EPG5: variants seen among roughly 807,000 people sequenced by gnomAD.
EPG5 encodes ectopic P-granules 5 autophagy tethering factor, also known as ectopic P granules protein 5 homolog.
In EPG5, 159 loss-of-function variants were observed where a neutral mutation model predicts 302.7. That is an observed-to-expected ratio of 0.53 (90% confidence interval 0.46 to 0.60). The LOEUF (loss-of-function observed/expected upper bound fraction) is 0.60. Ranked by LOEUF, EPG5 falls within the 20% of genes least tolerant of loss-of-function variation. The pLI is 0.00. For synonymous variants in EPG5, 1,158 were observed against 1,136.8 expected (o/e 1.02, Z -0.37); for missense variants, 2,896 against 3,092.4 (o/e 0.94, Z 1.51).
intron 17 of EPG5, 75 bp from the exon 18 acceptor site, chr18:45,916,657 G>T: frequency 7.0e-7 from 1 of 1,434,970 alleles, no homozygotes; most frequent in South Asian, 1.5e-5. Flanking sequence ...TACTTATGAG[G>T]AAACAGAAAA....
At chr18:45,869,530 T>A (rs921538533) in intron 36 of EPG5, among the ~76,000 whole-genome samples, 1 of 152,222 alleles carries the variant, frequency 6.6e-6, no homozygotes, top group Non-Finnish European at 1.5e-5. Context: ...TGTCTTATAG[T>A]TAAGGTCATC....
At chr18:45,911,360 A>T (rs2049895631) in intron 22 of EPG5, among the ~76,000 whole-genome samples, 1 of 149,776 alleles carries the variant, frequency 6.7e-6, no homozygotes, top group Non-Finnish European at 1.5e-5. Context: ...ATCACAGCTC[A>T]CTGCAAGCTC....
Position 45,936,341 on chromosome 18 carries a change from C to T in EPG5, c.2100-1375G>A, listed in dbSNP as rs114556876. Among the ~76,000 whole-genome samples, 1,302 of 152,226 alleles carry T rather than the reference C, an allele frequency of 8.6e-3. 17 individuals carry two copies. Among genetic ancestry groups the T allele is most frequent in the African/African-American group, 0.029 (1,208 of 41,528 alleles). On this transcript the variant is annotated intron_variant, in intron 10 of 43. Coordinates refer to ENST00000282041, the MANE Select transcript of EPG5 (RefSeq NM_020964.3). ...ACCAGTATCTCAAAAACAATCAGCA[C>T]TCAATAGATGCTTATTAAAATTGTA...
In EPG5 at chr18:45,937,233, TATACACACACACACACAC is replaced by T. The variant is rs1185951619; in HGVS notation, c.2100-2285_2100-2268del. Among the ~76,000 whole-genome samples the T allele has an allele frequency of 3.9e-3, 299 of 76,320 alleles. 1 individual carries two copies. The highest frequency in any genetic ancestry group is 0.015 in the African/African-American group (271 of 18,014). 50.1% of individuals were successfully genotyped at this position (76,320 alleles called of 152,430 possible). On this transcript the variant is annotated intron_variant, in intron 10 of 43. Coordinates refer to ENST00000282041, the MANE Select transcript of EPG5 (RefSeq NM_020964.3). ...GAAGTCTGGCATATATATACATATATATACACACACACACACACACACACACACACACACACACACACA... is the reference window on the plus strand; with the variant it reads ...GAAGTCTGGCATATATATACATATATACACACACACACACACACACACACA...
chr18:45,941,301 T>C (rs566983216), intron 9 of EPG5, among the ~76,000 whole-genome samples: 2 of 152,294 alleles, frequency 1.3e-5, no homozygotes, highest in East Asian at 3.9e-4. Flanking sequence ...GGCTGCTATG[T>C]AAGCTGCGTG....
intron 42 of EPG5, among the ~76,000 whole-genome samples, chr18:45,857,300 G>A (rs544004510): frequency 6.6e-6 from 1 of 151,984 alleles, no homozygotes; most frequent in South Asian, 2.1e-4. Flanking sequence ...TGGTAGAAAC[G>A]GGGTTTCACC....
At chr18:45,806,336 T>C in the EPG5 span, among the ~76,000 whole-genome samples, 1 of 152,142 alleles carries the variant, frequency 6.6e-6, no homozygotes, top group African/African-American at 2.4e-5. Context: ...GGGATCATGG[T>C]GGGCGGGAGG....
intron 1 of EPG5, among the ~76,000 whole-genome samples, chr18:45,956,840 T>C (rs985919452): frequency 5.3e-5 from 8 of 152,092 alleles, no homozygotes; most frequent in African/African-American, 1.7e-4. Flanking sequence ...CTCTGTATTA[T>C]ATTTGCAACT....
At chr18:45,867,770 T>A (rs776758615) in intron 36 of EPG5, 22 bp from the exon 37 acceptor site, 6 of 1,575,822 alleles carry the variant, frequency 3.8e-6, no homozygotes. Flanking sequence ...TGAATTAAAA[T>A]CATTCTGTTG....
At chr18:45,867,411 A>G in intron 37 of EPG5, 152 bp downstream of exon 37, 1 of 676,478 alleles carries the variant, frequency 1.5e-6, no homozygotes. Context: ...ATCCAAGAAA[A>G]TCAGGCATCT....
At position 45,916,161 on chromosome 18, in the gene EPG5, C is replaced by T; in HGVS notation, c.3430G>A (p.Ala1144Thr). Residue 1144 changes from alanine to threonine, a missense_variant, in exon 19 of 44, where the codon GCT becomes ACT. Ala to Thr is a moderately conservative substitution (Grantham distance 58, BLOSUM62 0). Coordinates refer to ENST00000282041, the MANE Select transcript of EPG5 (RefSeq NM_020964.3). ...STQPNEVGPV[A>T]VLEFWVQALI... ...GCCTGAACCCAGAACTCCAACACAG[C>T]AACGGGGCCCACTTCATTGGGCTGA... The T allele has an allele frequency of 6.2e-7, 1 of 1,614,018 alleles. No homozygotes were observed. The highest frequency in any genetic ancestry group is 8.5e-7 in the Non-Finnish European group (1 of 1,179,956).
rs760516751 is a variant in EPG5, at chr18:45,852,638, A to G, written c.7569T>C (p.Ala2523=). The stretch of plus-strand genomic sequence containing the variant: ...GCTTACTTGATGCCATGGATTCAAG[A>G]GCATTCAGAGCCTAAAAGACACGGA... ...LTPKAQQALN[A]LESMASSKQY... The change falls in exon 44 of 44, where the codon GCT becomes GCC. Residue 2523 remains alanine, a synonymous_variant. Coordinates refer to ENST00000282041, the MANE Select transcript of EPG5 (RefSeq NM_020964.3). 3.1e-6 allele frequency: 5 copies of G among 1,613,910 alleles called. No individual in the cohort carries two copies. The highest frequency in any genetic ancestry group is 3.3e-5 in the Admixed American group (2 of 59,980).
At position 45,910,567 on chromosome 18, in the gene EPG5, T is replaced by C; in HGVS notation, c.4159A>G (p.Thr1387Ala). The C allele has an allele frequency of 6.2e-7, 1 of 1,613,666 alleles. No individual in the cohort carries two copies. The highest frequency in any genetic ancestry group is 8.5e-7 in the Non-Finnish European group (1 of 1,179,940). The change falls in exon 23 of 44, where the codon ACC becomes GCC. Residue 1387 changes from threonine (T) to alanine (A), a missense_variant. Transcript: ENST00000282041. ...TCTGGTGAAGTCAGGTAACCAGGGGTGCCAGAGTGGCTCTCTGGCAGCCCT... is the reference window on the plus strand; with the variant it reads ...TCTGGTGAAGTCAGGTAACCAGGGGCGCCAGAGTGGCTCTCTGGCAGCCCT... ...SEGLPESHSG[T>A]PGYLTSPELH... is the part of the protein sequence containing the mutation.
At chr18:45,900,817 C>T (rs188280107) in intron 26 of EPG5, among the ~76,000 whole-genome samples, 179 bp downstream of exon 26, 12 of 152,244 alleles carry the variant, frequency 7.9e-5, no homozygotes, top group Admixed American at 7.2e-4. Context: ...CACATAATTT[C>T]GATGTGAAAT....
chr18:45,870,031 A>C (rs1599454167), intron 36 of EPG5, among the ~76,000 whole-genome samples: 2 of 152,110 alleles, frequency 1.3e-5, no homozygotes, highest in Non-Finnish European at 2.9e-5. Context: ...CATTGCTTCT[A>C]CTGCAAAGAC....
intron 34 of EPG5, among the ~76,000 whole-genome samples, chr18:45,876,891 C>T (rs1300419079): frequency 6.6e-6 from 1 of 152,086 alleles, no homozygotes; most frequent in Non-Finnish European, 1.5e-5. Flanking sequence ...TCAAGCAACT[C>T]TTCTGCATCA....
intron 13 of EPG5, among the ~76,000 whole-genome samples, 163 bp downstream of exon 13, chr18:45,928,706 G>C (rs540813118): frequency 7.9e-5 from 12 of 152,262 alleles, no homozygotes; most frequent in African/African-American, 2.9e-4. Flanking sequence ...ATCCCAAGTT[G>C]GTGTGGTGAG....
intron 42 of EPG5, 133 bp downstream of exon 42, chr18:45,857,720 T>C: frequency 4.8e-6 from 3 of 627,978 alleles, no homozygotes; most frequent in South Asian, 2.5e-5. Flanking sequence ...TTTTCTTTTT[T>C]TTTTTCCATT....
chr18:45,821,269 G>A, the EPG5 span, among the ~76,000 whole-genome samples: 168 of 152,320 alleles, frequency 1.1e-3, no homozygotes, highest in African/African-American at 3.9e-3. Context: ...AGAAATCCAT[G>A]CATGCACTAT....
Sources: gnomAD v4.1 joint callset for allele counts (sites outside exome capture counted in the v4.1 genomes callset) on GRCh38, gnomAD v4.1.1 for gene constraint, MANE v1.5 for transcripts, NCBI Gene and HGNC (gene_info 2026-07-23, HGNC 2026-07-21) for gene names.